The following RPS6KA6 variants were observed in gnomAD, a reference collection of about 807,000 sequenced individuals.
RPS6KA6 encodes ribosomal protein S6 kinase A6, also known as ribosomal protein S6 kinase alpha-6.
Under a neutral mutation model 65.4 loss-of-function variants are expected in RPS6KA6, and 27 were observed. The observed-to-expected ratio is 0.41, with a 90% confidence interval of 0.30 to 0.57. The LOEUF (loss-of-function observed/expected upper bound fraction) is 0.57, where lower values mean the gene tolerates loss of function less well. RPS6KA6 is among the 20% of genes least tolerant of loss of function. RPS6KA6 has a pLI of 0.24. For synonymous variants in RPS6KA6, 190 were observed against 184.2 expected (o/e 1.03, Z -0.26); for missense variants, 486 against 555.6 (o/e 0.87, Z 1.26).
intron 1 of RPS6KA6, among the ~76,000 whole-genome samples, chrX:84,180,171 C>T (rs2035829274): frequency 9.0e-6 from 1 of 111,677 alleles, no homozygotes; most frequent in Admixed American, 9.5e-5. Flanking sequence ...TATACCTCAA[C>T]TCTTATCAAG....
intron 3 of RPS6KA6, among the ~76,000 whole-genome samples, chrX:84,154,236 T>C (rs189919360): frequency 6.6e-4 from 74 of 111,630 alleles, no homozygotes; most frequent in Non-Finnish European, 9.4e-5. Context: ...GAACAGAGTG[T>C]ACTCCTGGCT....
chrX:84,183,900 A>G (rs2035893652), intron 1 of RPS6KA6, among the ~76,000 whole-genome samples: 1 of 110,835 alleles, frequency 9.0e-6, no homozygotes. Flanking sequence ...TACTACCTGA[A>G]TGTAAACCTG....
intron 8 of RPS6KA6, among the ~76,000 whole-genome samples, chrX:84,134,425 T>C (rs2034957618): frequency 9.0e-6 from 1 of 111,229 alleles, no homozygotes; most frequent in African/African-American, 3.3e-5. Context: ...ATGTAGGACA[T>C]ATAAGTGGTT....
chrX:84,132,913 T>G (rs1444224306), intron 8 of RPS6KA6, among the ~76,000 whole-genome samples: 1 of 96,778 alleles, frequency 1.0e-5, no homozygotes, highest in Non-Finnish European at 2.1e-5. Context: ...AGTGGACTAG[T>G]GAAAAAAAAA....
intron 20 of RPS6KA6, among the ~76,000 whole-genome samples, chrX:84,084,816 T>C (rs188267286): frequency 3.1e-4 from 35 of 112,229 alleles, no homozygotes; most frequent in African/African-American, 1.1e-3. Context: ...GCCACTTTCA[T>C]GATATCGATT....
rs1309345000 is a variant in RPS6KA6, at chrX:84,120,046, CA to C, written c.647-20del. 5.5e-6 allele frequency: 6 copies of C among 1,097,069 alleles called. No individual in the cohort carries two copies. The highest frequency in any genetic ancestry group is 4.9e-5 in the South Asian group (2 of 40,461). 90.4% of individuals were successfully genotyped at this position (1,097,069 alleles called of 1,213,427 possible). A position where few individuals can be genotyped will look rare whatever the true frequency, so the allele number is the denominator to read the frequency against. On this transcript the variant is annotated intron_variant, in intron 8 of 21. Transcript: ENST00000262752. ...CCAAAATCTATAATAACAGTATTAC[CA>C]AAAAATGTGTCTGAAAAACTTCAGA...
At chrX:84,116,722 C>T (rs957161664) in intron 11 of RPS6KA6, among the ~76,000 whole-genome samples, 2 of 105,878 alleles carry the variant, frequency 1.9e-5, no homozygotes, top group African/African-American at 6.8e-5. Context: ...GTTACAGAAA[C>T]ATAATATTTA....
At chrX:84,092,085 T>C (rs1034548444) in intron 20 of RPS6KA6, among the ~76,000 whole-genome samples, 2 of 111,198 alleles carry the variant, frequency 1.8e-5, no homozygotes, top group Non-Finnish European at 3.8e-5. Context: ...AGCTAATGCA[T>C]GCAGGGCTTA....
chrX:84,162,924 CA>C lies in RPS6KA6; in HGVS notation c.141+1403del, dbSNP rs1307600889. ...AATATTCAGTAAACTGCAAAAGCTA[CA>C]AAGACAACATTGTATCTCTCATATT... On this transcript the variant is annotated intron_variant, in intron 2 of 21. Transcript: ENST00000262752. Among the ~76,000 whole-genome samples the C allele has an allele frequency of 2.7e-5, 3 of 111,999 alleles. No individual in the cohort carries two copies. The East Asian group carries it at 8.4e-4, about 31-fold the overall frequency.
chrX:84,164,539 G>A (rs781708307), intron 1 of RPS6KA6, 152 bp from the exon 2 acceptor site: 83 of 434,637 alleles, frequency 1.9e-4, no homozygotes, highest in Non-Finnish European at 3.2e-4. Context: ...GAAGTACTTA[G>A]AAAAGGAACA....
intron 1 of RPS6KA6, among the ~76,000 whole-genome samples, chrX:84,180,551 T>C (rs1313151999): frequency 8.9e-6 from 1 of 112,078 alleles, no homozygotes; most frequent in Non-Finnish European, 1.9e-5. Context: ...AAACGTAATA[T>C]CCAATAGAGT....
rs933406492 is a variant in RPS6KA6, at chrX:84,064,016, T to C, written c.*261A>G. Reference sequence around the variant, plus strand: ...TTTATTTGAAAGGAATTTTAGAAGCTTGTGTGCAGAGAAGTTGTGAGGACC... The same window carrying C: ...TTTATTTGAAAGGAATTTTAGAAGCCTGTGTGCAGAGAAGTTGTGAGGACC... On this transcript the variant is annotated 3_prime_UTR_variant, in exon 22 of 22. Transcript: ENST00000262752. 4 of 262,323 alleles carry C rather than the reference T, an allele frequency of 1.5e-5. No individual in the cohort carries two copies. The highest frequency in any genetic ancestry group is 1.2e-4 in the South Asian group (1 of 8,135). The allele number at this position is 262,323 out of a possible 1,213,427, so 21.6% of individuals were successfully genotyped here.
At chrX:84,154,106 A>G (rs746498855) in intron 3 of RPS6KA6, among the ~76,000 whole-genome samples, 30 of 111,398 alleles carry the variant, frequency 2.7e-4, no homozygotes, top group Middle Eastern at 4.6e-3. Flanking sequence ...CACCTTTAAA[A>G]TACTGTCAAT....
At chrX:84,096,078 T>C (rs948656091) in intron 20 of RPS6KA6, 116 bp downstream of exon 20, 2 of 517,602 alleles carry the variant, frequency 3.9e-6, no homozygotes, top group African/African-American at 4.7e-5. Context: ...GATGTGTTAA[T>C]TCAAAACACT....
intron 9 of RPS6KA6, 55 bp downstream of exon 9, chrX:84,119,830 T>C: frequency 1.0e-6 from 1 of 984,858 alleles, no homozygotes; most frequent in South Asian, 3.2e-5. Context: ...TAAAATAAAA[T>C]TATAAGTAAT....
intron 1 of RPS6KA6, among the ~76,000 whole-genome samples, chrX:84,182,002 C>T (rs2035859605): frequency 9.3e-6 from 1 of 107,797 alleles, no homozygotes; most frequent in South Asian, 4.1e-4. Context: ...ACAAGTAACA[C>T]ACATGCACTC....
rs910544865 is a variant in RPS6KA6 at position 84,063,398 on chromosome X, C to G, written c.*879G>C. The G allele has an allele frequency of 9.0e-6, 1 of 111,147 alleles. No homozygotes were observed. Among genetic ancestry groups the G allele is most frequent in the African/African-American group, 3.3e-5 (1 of 30,625 alleles). 9.2% of individuals were successfully genotyped at this position (111,147 alleles called of 1,213,427 possible). A position where few individuals can be genotyped will look rare whatever the true frequency, so the allele number is the denominator to read the frequency against. On this transcript the variant is annotated 3_prime_UTR_variant, in exon 22 of 22. Coordinates refer to ENST00000262752, the MANE Select transcript of RPS6KA6 (RefSeq NM_014496.5). ...TTATAAAGGGGATAGATGATGATTA[C>G]AATCCAATTGGTTAACTTGAAAGTC...
chrX:84,165,704 G>T (rs1323244203), intron 1 of RPS6KA6, among the ~76,000 whole-genome samples: 1 of 111,419 alleles, frequency 9.0e-6, no homozygotes, highest in Non-Finnish European at 1.9e-5. Flanking sequence ...CTGATCAAGA[G>T]AAAATCTCTC....
In RPS6KA6 at chrX:84,062,215, C is replaced by T. The variant is rs2033312487; in HGVS notation, c.*2062G>A. 1 of 111,620 alleles carries T rather than the reference C, an allele frequency of 9.0e-6. No homozygotes were observed. Among genetic ancestry groups the T allele is most frequent in the Non-Finnish European group, 1.9e-5 (1 of 53,019 alleles). The allele number at this position is 111,620 out of a possible 1,213,427, so 9.2% of individuals were successfully genotyped here. On this transcript the variant is annotated 3_prime_UTR_variant, in exon 22 of 22. Coordinates refer to ENST00000262752, the MANE Select transcript of RPS6KA6 (RefSeq NM_014496.5). ...CAAGCTAATTTAAAATTAATTAAGACTGTCTACTTTTTAAAGCCATTGATT... is the reference window on the plus strand; with the variant it reads ...CAAGCTAATTTAAAATTAATTAAGATTGTCTACTTTTTAAAGCCATTGATT...
Sources: gnomAD v4.1 joint callset for allele counts (sites outside exome capture counted in the v4.1 genomes callset) on GRCh38, gnomAD v4.1.1 for gene constraint, MANE v1.5 for transcripts, NCBI Gene and HGNC (gene_info 2026-07-23, HGNC 2026-07-21) for gene names.